COL26A1: variants seen among roughly 807,000 people sequenced by gnomAD.
The protein encoded by COL26A1 is collagen alpha-1(XXVI) chain.
In COL26A1, 41 loss-of-function variants were observed where a neutral mutation model predicts 59.3. That is an observed-to-expected ratio of 0.69 (90% confidence interval 0.54 to 0.90). COL26A1 has a LOEUF of 0.90. Ranked by LOEUF, COL26A1 falls within the 40% of genes least tolerant of loss-of-function variation. The pLI, the probability that COL26A1 is intolerant of heterozygous loss-of-function variation, is 0.00. For missense variants in COL26A1, 612 were observed against 602.3 expected, an observed-to-expected ratio of 1.02 and a Z score of -0.17; for synonymous variants, 266 against 256.0, an observed-to-expected ratio of 1.04 and a Z score of -0.37.
At chr7:101,441,154 C>A (rs1038684944) in intron 2 of COL26A1, among the ~76,000 whole-genome samples, 1 of 152,054 alleles carries the variant, frequency 6.6e-6, no homozygotes, top group Non-Finnish European at 1.5e-5. Flanking sequence ...CCAATTCTGC[C>A]TGGGTTCAGA....
intron 3 of COL26A1, among the ~76,000 whole-genome samples, chr7:101,475,900 C>CTCTTTCTCTCTCTCTCTCTT (rs1260147428): frequency 7.3e-6 from 1 of 136,984 alleles, no homozygotes; most frequent in East Asian, 2.0e-4. Context: ...TTCTTTCTCT[C>CTCTTTCTCTCTCTCTCTCTT]TCTTTCTCTC....
intron 3 of COL26A1, among the ~76,000 whole-genome samples, chr7:101,457,538 T>C (rs1198524336): frequency 6.6e-6 from 1 of 152,096 alleles, no homozygotes. Flanking sequence ...CTAAATTCCT[T>C]CCATGTTCAG....
At chr7:101,463,788 C>CTCTCT (rs1269046213) in intron 3 of COL26A1, among the ~76,000 whole-genome samples, 2 of 42,482 alleles carry the variant, frequency 4.7e-5, no homozygotes, top group African/African-American at 2.7e-4. Context: ...TTTCTTTCTT[C>CTCTCT]CTTTCTTTCT....
intron 1 of COL26A1, among the ~76,000 whole-genome samples, chr7:101,419,043 T>C (rs1369219752): frequency 7.6e-6 from 1 of 132,116 alleles, no homozygotes; most frequent in Non-Finnish European, 1.6e-5. Flanking sequence ...TCCCTCCCTC[T>C]CTCCTTCTCT....
chr7:101,461,136 C>T (rs187793960), intron 3 of COL26A1, among the ~76,000 whole-genome samples: 223 of 152,176 alleles, frequency 1.5e-3, no homozygotes, highest in Middle Eastern at 0.01. Flanking sequence ...ACACCACGCC[C>T]AGCAATTTTT....
chr7:101,521,562 C>A (rs1397842460), intron 3 of COL26A1, among the ~76,000 whole-genome samples: 2 of 152,080 alleles, frequency 1.3e-5, no homozygotes, highest in Non-Finnish European at 2.9e-5. Context: ...GATGAGAGTA[C>A]AAGACTGGTA....
intron 3 of COL26A1, among the ~76,000 whole-genome samples, chr7:101,507,304 C>T (rs1238713434): frequency 6.6e-6 from 1 of 152,186 alleles, no homozygotes; most frequent in Non-Finnish European, 1.5e-5. Context: ...ACCTCAAAGC[C>T]TCAACTCTCT....
chr7:101,546,949 C>T (rs73413427), intron 7 of COL26A1, among the ~76,000 whole-genome samples: 2,904 of 152,280 alleles, frequency 0.019, 85 homozygotes, highest in African/African-American at 0.065. Flanking sequence ...TGAAGCTGAC[C>T]GACCTGGCTT....
intron 1 of COL26A1, chr7:101,388,917 A>G: frequency 9.6e-6 from 2 of 209,136 alleles, no homozygotes; most frequent in South Asian, 8.4e-5. Context: ...CCTCTTGTAC[A>G]TTGCCTTTCT....
intron 10 of COL26A1, 79 bp downstream of exon 10, chr7:101,551,222 G>A (rs1795855469): frequency 2.9e-6 from 3 of 1,048,666 alleles, no homozygotes; most frequent in African/African-American, 3.2e-5. Flanking sequence ...CTGGGTGGCG[G>A]GGGTTGGTGG....
Position 101,528,644 on chromosome 7 carries a change from C to T in COL26A1, c.386-4438C>T, listed in dbSNP as rs182611597. Among the ~76,000 whole-genome samples the T allele has an allele frequency of 2.5e-3, 386 of 152,120 alleles. 1 individual carries two copies. The highest frequency in any genetic ancestry group is 8.9e-3 in the African/African-American group (369 of 41,528). On this transcript the variant is annotated intron_variant, in intron 3 of 12. Transcript: ENST00000313669. ...CTCACTGCAGCCTCAACCTTCTGGA[C>T]TCAGGTGATCCTCCTGCCTCAGCCT...
intron 2 of COL26A1, among the ~76,000 whole-genome samples, chr7:101,431,643 G>T (rs1247687780): frequency 5.9e-5 from 9 of 151,938 alleles, no homozygotes; most frequent in Admixed American, 5.3e-4. Context: ...TTAATTATGG[G>T]TGTTGAATTT....
chr7:101,458,267 A>T (rs1395808077), intron 3 of COL26A1, among the ~76,000 whole-genome samples: 1 of 152,130 alleles, frequency 6.6e-6, no homozygotes, highest in Non-Finnish European at 1.5e-5. Context: ...AGTTAGTTCA[A>T]TCTGGCTAGC....
rs115944273 is a variant in COL26A1 at position 101,535,894 on chromosome 7, G to A, written c.447+2751G>A. Among the ~76,000 whole-genome samples, 1,310 of 152,240 alleles carry A rather than the reference G, an allele frequency of 8.6e-3. 21 individuals are homozygous for A. Among genetic ancestry groups the A allele is most frequent in the African/African-American group, 0.03 (1,265 of 41,548 alleles). ...GAGATGGGGTAGCTCTGCAGCCCCC[G>A]TCCTTTTGACAGTTGTCTGCATTTC... On this transcript the variant is annotated intron_variant, in intron 4 of 12. Coordinates refer to ENST00000313669, the MANE Select transcript of COL26A1 (RefSeq NM_001278563.3).
chr7:101,363,196 T>C lies in COL26A1; in HGVS notation c.158+6T>C. Reference sequence around the variant, plus strand: ...AGCGGCTACGCGAGCCGCCGGTGAGTAGCTCGGGGCCGAGGGGCCGGGGGG... The same window carrying C: ...AGCGGCTACGCGAGCCGCCGGTGAGCAGCTCGGGGCCGAGGGGCCGGGGGG... On this transcript the variant is annotated splice_donor_region_variant and intron_variant, in intron 1 of 12. Transcript: ENST00000313669. The C allele has an allele frequency of 9.6e-7, 1 of 1,045,012 alleles. No individual in the cohort carries two copies. Among genetic ancestry groups the C allele is most frequent in the Non-Finnish European group, 1.2e-6 (1 of 804,880 alleles). 64.7% of individuals were successfully genotyped at this position (1,045,012 alleles called of 1,614,324 possible). A position where few individuals can be genotyped will look rare whatever the true frequency, so the allele number is the denominator to read the frequency against.
rs1438142152 is a variant in COL26A1, at chr7:101,545,487, G to A, written c.853G>A (p.Asp285Asn). 1 of 1,604,144 alleles carries A rather than the reference G, an allele frequency of 6.2e-7. No individual in the cohort carries two copies. The highest frequency in any genetic ancestry group is 1.3e-5 in the African/African-American group (1 of 74,236). Residue 285 changes from aspartate (D) to asparagine (N), a missense_variant, in exon 7 of 13, where the codon GAC (aspartate) becomes AAC (asparagine). By Grantham distance (23) the Asp-to-Asn change is conservative. Transcript: ENST00000313669. ...CTCCCTGCAGCCGCCTACAGACAAA[G>A]ACAGTGAGTAATGCCCCTGGGGGGC... ...LYSLQPPTDK[D>N]NGDSRLASAI...
At chr7:101,403,501 A>C (rs1028983253) in intron 1 of COL26A1, among the ~76,000 whole-genome samples, 2 of 152,028 alleles carry the variant, frequency 1.3e-5, no homozygotes, top group African/African-American at 4.8e-5. Flanking sequence ...CCTGGGAGAC[A>C]GAGTGAGACT....
intron 4 of COL26A1, among the ~76,000 whole-genome samples, chr7:101,535,750 C>T (rs530146736): frequency 9.2e-5 from 14 of 152,312 alleles, no homozygotes; most frequent in South Asian, 4.1e-4. Flanking sequence ...GGATCTCAGT[C>T]GGATGGCCTG....
At chr7:101,426,570 G>A (rs1263211206) in intron 2 of COL26A1, among the ~76,000 whole-genome samples, 1 of 152,178 alleles carries the variant, frequency 6.6e-6, no homozygotes, top group African/African-American at 2.4e-5. Flanking sequence ...CTATCAGAGA[G>A]TACAGCCTTT....
Sources: gnomAD v4.1 joint callset for allele counts (sites outside exome capture counted in the v4.1 genomes callset) on GRCh38, gnomAD v4.1.1 for gene constraint, MANE v1.5 for transcripts, NCBI Gene and HGNC (gene_info 2026-07-23, HGNC 2026-07-21) for gene names.